The following CDH17 variants were observed in gnomAD, a reference collection of about 807,000 sequenced individuals.
CDH17 encodes the protein cadherin-17.
CDH17 carries 67 observed loss-of-function variants against 86.3 expected under a neutral mutation model. That is an observed-to-expected ratio of 0.78 (90% CI 0.64 to 0.95). The LOEUF (loss-of-function observed/expected upper bound fraction) is 0.95, where lower values mean the gene tolerates loss of function less well. CDH17 is among the 40% of genes least tolerant of loss of function. The probability of loss-of-function intolerance (pLI) is 0.00; values close to 1 mark genes in which losing one functional copy is unlikely to be tolerated. For synonymous variants in CDH17, 367 were observed against 366.4 expected (o/e 1.00, Z -0.02); for missense variants, 993 against 1,017.6 (o/e 0.98, Z 0.33).
intron 3 of CDH17, among the ~76,000 whole-genome samples, chr8:94,186,711 C>T (rs761742453): frequency 6.6e-6 from 1 of 152,238 alleles, no homozygotes; most frequent in Non-Finnish European, 1.5e-5. Flanking sequence ...AAACAGTTTT[C>T]TAAAATCCTT....
chr8:94,153,231 G>A (rs926866764), intron 12 of CDH17, among the ~76,000 whole-genome samples: 2 of 152,086 alleles, frequency 1.3e-5, no homozygotes, highest in Non-Finnish European at 2.9e-5. Context: ...TTTCTCAAAA[G>A]AAGACATACA....
intron 13 of CDH17, among the ~76,000 whole-genome samples, chr8:94,149,668 C>T (rs1277197796): frequency 3.3e-5 from 5 of 152,116 alleles, no homozygotes; most frequent in African/African-American, 1.2e-4. Flanking sequence ...CTGGGGTATA[C>T]TTGGGAAGCA....
intron 12 of CDH17, among the ~76,000 whole-genome samples, chr8:94,155,377 G>A (rs773439924): frequency 1.3e-5 from 2 of 151,956 alleles, no homozygotes; most frequent in Non-Finnish European, 2.9e-5. Flanking sequence ...GAAGGCAGCA[G>A]CCCCCAGAAT....
intron 1 of CDH17, among the ~76,000 whole-genome samples, chr8:94,195,203 A>G (rs1813759558): frequency 6.6e-6 from 1 of 152,136 alleles, no homozygotes; most frequent in Admixed American, 6.5e-5. Flanking sequence ...GGATTTCACC[A>G]TGGTGACCAA....
rs566082929 is a variant in CDH17, at chr8:94,159,573, G to A, written c.1551+398C>T. Reference sequence around the variant, plus strand: ...CACTCCCAGACCGTAAGAGTGTTGCGAGATTTAGCAAATAGCAAATAAAAA... The same window carrying A: ...CACTCCCAGACCGTAAGAGTGTTGCAAGATTTAGCAAATAGCAAATAAAAA... On this transcript the variant is annotated intron_variant, in intron 12 of 17. Transcript: ENST00000027335. 4.6e-5 allele frequency among the ~76,000 whole-genome samples: 7 copies of A among 152,270 alleles called. 1 individual carries two copies. The highest frequency in any genetic ancestry group is 4.1e-4 in the South Asian group (2 of 4,822).
At chr8:94,150,340 G>C (rs1045911802) in intron 13 of CDH17, among the ~76,000 whole-genome samples, 1 of 152,180 alleles carries the variant, frequency 6.6e-6, no homozygotes, top group African/African-American at 2.4e-5. Flanking sequence ...AACAGACATG[G>C]TGGTGCCTTG....
chr8:94,189,263 C>G lies in CDH17; in HGVS notation c.74G>C (p.Gly25Ala). 6.2e-7 allele frequency: 1 copy of G among 1,612,062 alleles called. No individual in the cohort carries two copies. The highest frequency in any genetic ancestry group is 1.7e-5 in the Admixed American group (1 of 59,474). Residue 25 changes from glycine (G) to alanine (A), a missense_variant, in exon 3 of 18, where the codon GGG (glycine) becomes GCG (alanine). Transcript: ENST00000027335. ...LYLATGYGQE[G>A]KFSGPLKPMT... ...GGGTTTCAGGGGTCCACTAAACTTC[C>G]CCTCTTGGCCATATCCAGTTGCCTG... is the stretch of plus-strand genomic sequence containing the variant.
At chr8:94,195,800 G>A (rs1005917352) in intron 1 of CDH17, among the ~76,000 whole-genome samples, 23 of 148,732 alleles carry the variant, frequency 1.5e-4, no homozygotes, top group African/African-American at 3.7e-4. Context: ...CTGCTCTGTC[G>A]CCCAGGCTGG....
At chr8:94,171,061 T>A in intron 7 of CDH17, 76 bp from the exon 8 acceptor site, 1 of 1,434,368 alleles carries the variant, frequency 7.0e-7, no homozygotes, top group Admixed American at 2.3e-5. Context: ...ATTTTCTAGT[T>A]CTCAATTTGA....
At chr8:94,149,148 G>A (rs1041515915) in intron 13 of CDH17, among the ~76,000 whole-genome samples, 1 of 152,122 alleles carries the variant, frequency 6.6e-6, no homozygotes, top group Non-Finnish European at 1.5e-5. Context: ...GTTTGTGCTT[G>A]TATTAGGAAG....
At chr8:94,186,227 T>C (rs1201876937) in intron 3 of CDH17, among the ~76,000 whole-genome samples, 1 of 152,156 alleles carries the variant, frequency 6.6e-6, no homozygotes, top group Non-Finnish European at 1.5e-5. Context: ...ACTCATTCAC[T>C]TTTCTCTAAA....
chr8:94,175,899 G>C lies in CDH17; in HGVS notation c.424+642C>G, dbSNP rs974470570. On this transcript the variant is annotated intron_variant, in intron 5 of 17. Transcript: ENST00000027335. The stretch of plus-strand genomic sequence containing the variant: ...CTAGAAAAGCGTTTTTCAACTGGGG[G>C]TAATTTTTGAGACAGAATCTCACTC... 1.8e-4 allele frequency among the ~76,000 whole-genome samples: 28 copies of C among 152,090 alleles called. 1 individual carries two copies. The highest frequency in any genetic ancestry group is 1.5e-5 in the Non-Finnish European group (1 of 68,016).
intron 15 of CDH17, among the ~76,000 whole-genome samples, chr8:94,132,387 G>A (rs991022011): frequency 6.6e-6 from 1 of 152,082 alleles, no homozygotes; most frequent in African/African-American, 2.4e-5. Flanking sequence ...GTGTGAGATG[G>A]TATCTCATTG....
At chr8:94,179,498 A>G (rs1055045196) in intron 3 of CDH17, among the ~76,000 whole-genome samples, 16 of 152,226 alleles carry the variant, frequency 1.1e-4, no homozygotes, top group African/African-American at 3.6e-4. Flanking sequence ...CAAGGCCACT[A>G]TCATGAGCAG....
In CDH17 at chr8:94,128,181, T is replaced by C; in HGVS notation, c.*59A>G. 9.9e-7 allele frequency: 1 copy of C among 1,009,776 alleles called. No individual in the cohort carries two copies. The highest frequency in any genetic ancestry group is 1.7e-5 in the Admixed American group (1 of 57,532). The allele number at this position is 1,009,776 out of a possible 1,614,324, so 62.6% of individuals were successfully genotyped here. A position where few individuals can be genotyped will look rare whatever the true frequency, so the allele number is the denominator to read the frequency against. ...GCACGTTAGATGAAAAGTAATAGGA[T>C]GAGATGGTTGTTGCTGAAATAGCAC... On this transcript the variant is annotated 3_prime_UTR_variant, in exon 18 of 18. Transcript: ENST00000027335.
chr8:94,181,919 A>T (rs1813493653), intron 3 of CDH17, among the ~76,000 whole-genome samples: 1 of 152,072 alleles, frequency 6.6e-6, no homozygotes, highest in African/African-American at 2.4e-5. Context: ...ATGAGGTAAG[A>T]TTCAAATAAC....
At chr8:94,187,401 G>C (rs533201065) in intron 3 of CDH17, among the ~76,000 whole-genome samples, 8 of 152,182 alleles carry the variant, frequency 5.3e-5, no homozygotes, top group Non-Finnish European at 1.0e-4. Context: ...GATGGAGTCG[G>C]GGTCATCCCA....
intron 1 of CDH17, among the ~76,000 whole-genome samples, chr8:94,200,532 CTTTTGTTTTTTTTTTTTTTTT>C (rs1813887282): frequency 2.0e-5 from 1 of 50,236 alleles, no homozygotes; most frequent in Non-Finnish European, 3.9e-5. Flanking sequence ...TTATTATTAT[CTTTTGTTTTTTTTTTTTTTTT>C]TTTTTTTTTT....
intron 7 of CDH17, among the ~76,000 whole-genome samples, chr8:94,172,748 G>T (rs1047783809): frequency 2.0e-5 from 3 of 152,170 alleles, no homozygotes; most frequent in African/African-American, 7.2e-5. Context: ...TCAAATCTGG[G>T]TGGAGTCCAG....
Sources: gnomAD v4.1 joint callset for allele counts (sites outside exome capture counted in the v4.1 genomes callset) on GRCh38, gnomAD v4.1.1 for gene constraint, MANE v1.5 for transcripts, NCBI Gene and HGNC (gene_info 2026-07-23, HGNC 2026-07-21) for gene names.